SLC2A13: variants seen among roughly 807,000 people sequenced by gnomAD.
SLC2A13 encodes solute carrier family 2 member 13, also known as proton myo-inositol cotransporter.
A neutral mutation model predicts 64.4 loss-of-function variants in SLC2A13; 32 were observed. The observed-to-expected ratio is 0.50, with a 90% CI of 0.37 to 0.67. SLC2A13 has a LOEUF of 0.67. Ranked by LOEUF, SLC2A13 falls within the 30% of genes least tolerant of loss-of-function variation. The pLI is 0.00. For synonymous variants in SLC2A13, 338 were observed against 327.1 expected (o/e 1.03, Z -0.36); for missense variants, 743 against 829.2 (o/e 0.90, Z 1.28).
chr12:40,081,699 A>T (rs920968649), intron 1 of SLC2A13, among the ~76,000 whole-genome samples: 1 of 152,202 alleles, frequency 6.6e-6, no homozygotes, highest in Non-Finnish European at 1.5e-5. Flanking sequence ...GATTTCAATC[A>T]AGAATCCTTG....
chr12:39,830,022 GT>G (rs749799695), intron 7 of SLC2A13, 80 bp downstream of exon 7: 5 of 1,564,186 alleles, frequency 3.2e-6, no homozygotes, highest in Non-Finnish European at 3.5e-6. Context: ...ACTGCTATAA[GT>G]GCAAGCACTC....
intron 3 of SLC2A13, among the ~76,000 whole-genome samples, chr12:39,982,364 T>C (rs1463466265): frequency 7.8e-6 from 1 of 128,030 alleles, no homozygotes; most frequent in South Asian, 2.8e-4. Context: ...GGGTATTCAA[T>C]TAGGAAAAGA....
intron 4 of SLC2A13, among the ~76,000 whole-genome samples, chr12:39,906,723 A>C (rs1945293409): frequency 1.3e-5 from 2 of 152,012 alleles, no homozygotes; most frequent in South Asian, 2.1e-4. Flanking sequence ...CAATTACTAA[A>C]ATTCTTATTA....
At chr12:39,990,265 C>T (rs544178384) in intron 3 of SLC2A13, among the ~76,000 whole-genome samples, 2 of 152,308 alleles carry the variant, frequency 1.3e-5, no homozygotes, top group Admixed American at 1.3e-4. Flanking sequence ...GCAGGAATGT[C>T]TCTATCTCTT....
chr12:40,025,962 A>G (rs1947797349), intron 3 of SLC2A13, among the ~76,000 whole-genome samples: 1 of 152,248 alleles, frequency 6.6e-6, no homozygotes, highest in African/African-American at 2.4e-5. Flanking sequence ...ACTGACCCAG[A>G]GTCTTGCTCC....
chr12:39,806,623 C>G (rs1941986537), intron 7 of SLC2A13, among the ~76,000 whole-genome samples: 1 of 152,138 alleles, frequency 6.6e-6, no homozygotes, highest in Non-Finnish European at 1.5e-5. Flanking sequence ...ACAACTTCTT[C>G]AAGCAAACTT....
At chr12:39,845,783 G>A (rs566730377) in intron 6 of SLC2A13, among the ~76,000 whole-genome samples, 1 of 152,202 alleles carries the variant, frequency 6.6e-6, no homozygotes, top group Non-Finnish European at 1.5e-5. Flanking sequence ...TTAAATCAAG[G>A]TGAATGAAAC....
chr12:39,984,164 A>C (rs984133833), intron 3 of SLC2A13, among the ~76,000 whole-genome samples: 17 of 145,480 alleles, frequency 1.2e-4, no homozygotes, highest in Middle Eastern at 3.2e-3. Flanking sequence ...GAATATCACA[A>C]TCTGGGGACT....
chr12:40,091,974 C>G (rs1462374705), intron 1 of SLC2A13, among the ~76,000 whole-genome samples: 1 of 152,162 alleles, frequency 6.6e-6, no homozygotes, highest in African/African-American at 2.4e-5. Flanking sequence ...TTTTGTGAAA[C>G]CTGACTTGCC....
chr12:39,865,536 C>A (rs1943885626), intron 5 of SLC2A13, among the ~76,000 whole-genome samples: 1 of 152,096 alleles, frequency 6.6e-6, no homozygotes, highest in African/African-American at 2.4e-5. Flanking sequence ...AAGTATATCA[C>A]TTAAAAGAAT....
At chr12:39,966,067 T>C (rs1399981855) in intron 3 of SLC2A13, among the ~76,000 whole-genome samples, 1 of 151,408 alleles carries the variant, frequency 6.6e-6, no homozygotes, top group Non-Finnish European at 1.5e-5. Flanking sequence ...ATATATATGA[T>C]ACACACACAT....
chr12:39,817,662 A>G (rs1373912668), intron 7 of SLC2A13, among the ~76,000 whole-genome samples: 1 of 152,216 alleles, frequency 6.6e-6, no homozygotes, highest in African/African-American at 2.4e-5. Context: ...TGTAACTACT[A>G]TTTCAGTTAG....
chr12:40,087,580 A>G lies in SLC2A13; in HGVS notation c.556+17673T>C, dbSNP rs535319678. ...CCCAATGCTCCCATTTATGTAACCC[A>G]CAAGCATTTACTAAATAAATATCTA... On this transcript the variant is annotated intron_variant, in intron 1 of 9. Coordinates refer to ENST00000280871, the MANE Select transcript of SLC2A13 (RefSeq NM_052885.4). Among the ~76,000 whole-genome samples the G allele has an allele frequency of 7.9e-5, 12 of 152,262 alleles. No homozygotes were observed. The East Asian group carries it at 2.3e-3, about 29-fold the overall frequency.
intron 1 of SLC2A13, among the ~76,000 whole-genome samples, chr12:40,086,706 CAAGG>C (rs755839531): frequency 9.2e-5 from 14 of 152,174 alleles, no homozygotes; most frequent in Non-Finnish European, 1.5e-4. Flanking sequence ...AGCTGAATGA[CAAGG>C]AAGAACTGGG....
chr12:39,760,357 A>G (rs1940089455), intron 9 of SLC2A13, 105 bp from the exon 10 acceptor site: 1 of 1,031,096 alleles, frequency 9.7e-7, no homozygotes, highest in Non-Finnish European at 1.4e-6. Context: ...GTCATGCATA[A>G]TCACAGTATG....
At chr12:39,911,487 A>G (rs1199816262) in intron 4 of SLC2A13, among the ~76,000 whole-genome samples, 2 of 152,106 alleles carry the variant, frequency 1.3e-5, no homozygotes, top group East Asian at 3.9e-4. Flanking sequence ...AAGTTAGAGA[A>G]CAAAAGAAAA....
intron 4 of SLC2A13, among the ~76,000 whole-genome samples, chr12:39,922,131 A>C (rs2136057111): frequency 6.6e-6 from 1 of 152,312 alleles, no homozygotes; most frequent in South Asian, 2.1e-4. Context: ...AAAAAAACCC[A>C]AAAAACCATT....
intron 4 of SLC2A13, among the ~76,000 whole-genome samples, chr12:39,913,708 G>T (rs907984980): frequency 1.3e-5 from 2 of 151,804 alleles, no homozygotes; most frequent in Admixed American, 1.3e-4. Context: ...ATACTAGTAA[G>T]TATACATACA....
rs147775298 is a variant in SLC2A13, at chr12:39,839,098, A to G, written c.1320-8870T>C. Among the ~76,000 whole-genome samples the G allele has an allele frequency of 3.4e-3, 516 of 152,138 alleles. 3 individuals are homozygous for G. The highest frequency in any genetic ancestry group is 0.012 in the African/African-American group (487 of 41,536). On this transcript the variant is annotated intron_variant, in intron 6 of 9. Transcript: ENST00000280871. ...TGTCACTCTCTTTCCCCTAACAGCT[A>G]TTCCCAAACTTCCATACTCTACTAT... is the stretch of plus-strand genomic sequence containing the variant.
Sources: allele counts gnomAD v4.1 joint callset (sites outside exome capture counted in the v4.1 genomes callset), GRCh38; gene constraint gnomAD v4.1.1; transcripts MANE v1.5; gene names NCBI Gene and HGNC (gene_info 2026-07-23, HGNC 2026-07-21).